The following ZSCAN30 variants were observed in gnomAD, a reference collection of about 807,000 sequenced individuals.
ZSCAN30 encodes the protein zinc finger and SCAN domain containing 30.
In ZSCAN30, 37 loss-of-function variants were observed where a neutral mutation model predicts 44.3. The observed-to-expected ratio is 0.84, with a 90% CI of 0.64 to 1.10. The LOEUF is 1.10. Among genes scored for constraint, ZSCAN30 ranks in the 50% least tolerant of loss-of-function variants. ZSCAN30 has a pLI of 0.00. For missense variants in ZSCAN30, 549 were observed against 582.6 expected (o/e 0.94, Z 0.59); for synonymous variants, 181 against 204.6 (o/e 0.88, Z 0.98).
intron 1 of ZSCAN30, among the ~76,000 whole-genome samples, chr18:35,274,753 T>C (rs2044342237): frequency 6.6e-6 from 1 of 152,204 alleles, no homozygotes. Context: ...CTGTACTACC[T>C]TGACAGTTCT....
chr18:35,276,920 C>T (rs1156356673), intron 1 of ZSCAN30, among the ~76,000 whole-genome samples: 2 of 152,208 alleles, frequency 1.3e-5, no homozygotes, highest in African/African-American at 4.8e-5. Flanking sequence ...CAATGCCAGC[C>T]TGTGAAAGCA....
intron 1 of ZSCAN30, among the ~76,000 whole-genome samples, chr18:35,266,313 C>T (rs912777674): frequency 6.6e-6 from 1 of 152,020 alleles, no homozygotes. Flanking sequence ...GTCTGTGTGC[C>T]CACCCAGAGA....
chr18:35,257,781 G>C (rs116295705), intron 3 of ZSCAN30: 1 of 720,922 alleles, frequency 1.4e-6, no homozygotes, highest in Non-Finnish European at 2.6e-6. Flanking sequence ...CCATCTCTGC[G>C]TCAAGAAGAG....
rs199923382 is a variant in ZSCAN30, at chr18:35,264,233, G to A, written c.120C>T (p.Asn40=). Residue 40 remains asparagine, a synonymous_variant, in exon 2 of 4, where the codon AAC becomes AAT. Transcript: ENST00000333206. ...VLDQDFGLQE[N]PWSQEVFRQK... ...GCCGGAATACCTCTTGGCTCCAGGG[G>A]TTTTCCTGAAGGCCAAAGTCCTGGT... The A allele has an allele frequency of 2.5e-6, 4 of 1,614,088 alleles. No individual in the cohort carries two copies. The highest frequency in any genetic ancestry group is 2.7e-5 in the African/African-American group (2 of 74,938).
chr18:35,254,471 T>C, intron 3 of ZSCAN30, 90 bp from the exon 4 acceptor site: 2 of 1,590,330 alleles, frequency 1.3e-6, no homozygotes, highest in Non-Finnish European at 1.7e-6. Context: ...ATGAAATAGG[T>C]ATTTATTTAT....
chr18:35,281,764 T>G (rs1450419642), intron 1 of ZSCAN30: 1 of 152,182 alleles, frequency 6.6e-6, no homozygotes, highest in Non-Finnish European at 1.5e-5. Flanking sequence ...TTACAGAAAT[T>G]CTAGAAGCTA....
In ZSCAN30 at chr18:35,264,325, A is replaced by G. The variant is rs770327822; in HGVS notation, c.28T>C (p.Tyr10His). ...CCTTCCTGTTCTTCTGGAGCATGGT[A>G]GGCCAAGACTGTGGCCTCTCCTGAC... MSGEATVLAYHAPEEQEGLL... is the reference protein window; with the variant it reads MSGEATVLAHHAPEEQEGLL... Residue 10 changes from tyrosine (Y) to histidine (H), a missense_variant, in exon 2 of 4, where the codon TAC becomes CAC. Coordinates refer to ENST00000333206, the MANE Select transcript of ZSCAN30 (RefSeq NM_001112734.4). The G allele has an allele frequency of 6.2e-7, 1 of 1,613,718 alleles. No individual in the cohort carries two copies. The highest frequency in any genetic ancestry group is 1.1e-5 in the South Asian group (1 of 91,078).
At chr18:35,287,847 T>C (rs1372219674) in intron 1 of ZSCAN30, among the ~76,000 whole-genome samples, 1 of 151,904 alleles carries the variant, frequency 6.6e-6, no homozygotes, top group Non-Finnish European at 1.5e-5. Flanking sequence ...GCACAATATA[T>C]TTGCAAAGCA....
chr18:35,270,932 T>C (rs1021651330), intron 1 of ZSCAN30, among the ~76,000 whole-genome samples: 1 of 152,186 alleles, frequency 6.6e-6, no homozygotes, highest in African/African-American at 2.4e-5. Context: ...TGCAGAACTT[T>C]GCAGTGAGTG....
At chr18:35,258,700 T>A (rs1186471943) in intron 3 of ZSCAN30, 1 of 151,504 alleles carries the variant, frequency 6.6e-6, no homozygotes, top group Non-Finnish European at 1.5e-5. Context: ...TGAAACCCCA[T>A]CTCTACTAAA....
intron 1 of ZSCAN30, among the ~76,000 whole-genome samples, chr18:35,265,678 A>C (rs2044135382): frequency 6.6e-6 from 1 of 152,252 alleles, no homozygotes; most frequent in East Asian, 1.9e-4. Context: ...GAAACAGCAC[A>C]AAGAAAAATG....
intron 1 of ZSCAN30, chr18:35,282,067 G>C (rs2044465555): frequency 6.6e-6 from 1 of 152,178 alleles, no homozygotes; most frequent in South Asian, 2.1e-4. Context: ...TAAAAGTCTA[G>C]TTGAATTCAA....
At chr18:35,279,228 G>A (rs1486328272) in intron 1 of ZSCAN30, among the ~76,000 whole-genome samples, 2 of 152,238 alleles carry the variant, frequency 1.3e-5, no homozygotes, top group East Asian at 1.9e-4. Context: ...GAGGTTAGAA[G>A]TACAAGATCA....
chr18:35,285,381 G>A (rs1598658313), intron 1 of ZSCAN30, among the ~76,000 whole-genome samples: 4 of 152,200 alleles, frequency 2.6e-5, no homozygotes. Flanking sequence ...GTAAACTTCA[G>A]TAATACCATT....
Position 35,252,382 on chromosome 18 carries a change from A to G in ZSCAN30, c.*1068T>C, listed in dbSNP as rs1431939190. The G allele has an allele frequency of 6.6e-6, 1 of 152,220 alleles. No individual in the cohort carries two copies. Among genetic ancestry groups the G allele is most frequent in the East Asian group, 1.9e-4 (1 of 5,196 alleles). The allele number at this position is 152,220 out of a possible 1,614,324, so 9.4% of individuals were successfully genotyped here. ...GTGGGAAGTATAAAGGAACACGGTG[A>G]TCTGCCTTCCCAGGCTCTGCTATTC... On this transcript the variant is annotated 3_prime_UTR_variant, in exon 4 of 4. Transcript: ENST00000333206.
chr18:35,280,645 A>G (rs1299463682), intron 1 of ZSCAN30, among the ~76,000 whole-genome samples: 1 of 152,226 alleles, frequency 6.6e-6, no homozygotes, highest in Non-Finnish European at 1.5e-5. Flanking sequence ...TCTGAATCAG[A>G]GTTTTCAGCA....
chr18:35,270,110 T>TA (rs1382141343), intron 1 of ZSCAN30: 3 of 152,344 alleles, frequency 2.0e-5, no homozygotes, highest in South Asian at 2.1e-4. Flanking sequence ...TATTTTCTTT[T>TA]AAAAAATGTA....
intron 3 of ZSCAN30, chr18:35,260,521 CTGT>C (rs2044001654): frequency 6.6e-6 from 1 of 152,200 alleles, no homozygotes; most frequent in Non-Finnish European, 1.5e-5. Flanking sequence ...TTGCCAGCAT[CTGT>C]TGTTTCTCGA....
intron 1 of ZSCAN30, among the ~76,000 whole-genome samples, chr18:35,286,515 T>C (rs2044552941): frequency 6.6e-6 from 1 of 152,120 alleles, no homozygotes; most frequent in Non-Finnish European, 1.5e-5. Flanking sequence ...ATCACCATAT[T>C]AACAAACTGT....
Sources: gnomAD v4.1 joint callset for allele counts (sites outside exome capture counted in the v4.1 genomes callset) on GRCh38, gnomAD v4.1.1 for gene constraint, MANE v1.5 for transcripts, NCBI Gene and HGNC (gene_info 2026-07-23, HGNC 2026-07-21) for gene names.